The following BID variants were observed in gnomAD, a reference collection of about 807,000 sequenced individuals.
BID encodes BH3 interacting domain death agonist.
A neutral mutation model predicts 17.4 loss-of-function variants in BID; 19 were observed. That is an observed-to-expected ratio of 1.09 (90% confidence interval 0.76 to 1.60). The LOEUF is 1.60. BID is among the 40% of genes most tolerant of loss of function. The probability of loss-of-function intolerance (pLI) is 0.00; values close to 1 mark genes in which losing one functional copy is unlikely to be tolerated. For missense variants in BID, 226 were observed against 256.0 expected (o/e 0.88, Z 0.80); for synonymous variants, 108 against 102.8 (o/e 1.05, Z -0.31).
intron 3 of BID, 96 bp from the exon 4 acceptor site, chr22:17,739,584 G>A (rs4819464): frequency 0.15 from 220,822 of 1,483,680 alleles, 18,364 homozygotes; most frequent in African/African-American, 0.29. Context: ...GGACAGGTCC[G>A]CGATGGGACA....
In BID at chr22:17,748,443, G is replaced by A. The variant is rs570653973; in HGVS notation, c.12+1662C>T. The stretch of plus-strand genomic sequence containing the variant: ...GAATGGCCTGAACCCGGGAGGCGGA[G>A]CCTGCAGTGAGCGGAGATCGTGCCA... On this transcript the variant is annotated intron_variant, in intron 2 of 5. Transcript: ENST00000622694. 1.9e-3 allele frequency among the ~76,000 whole-genome samples: 295 copies of A among 151,980 alleles called. 1 individual carries two copies. Among genetic ancestry groups the A allele is most frequent in the Non-Finnish European group, 9.4e-4 (64 of 67,990 alleles).
chr22:17,740,102 G>A, intron 3 of BID: 1 of 1,611,902 alleles, frequency 6.2e-7, no homozygotes, highest in Non-Finnish European at 8.5e-7. Context: ...GCTCCATGAA[G>A]GCCACGCTCA....
chr22:17,755,862 T>TTTTG (rs1229538893), intron 1 of BID, among the ~76,000 whole-genome samples: 4 of 152,064 alleles, frequency 2.6e-5, no homozygotes, highest in South Asian at 2.1e-4. Flanking sequence ...CTTTTTGGTT[T>TTTTG]TTTGTTTGTT....
rs1395110223 is a variant in BID at position 17,750,231 on chromosome 22, C to T, written c.-58-57G>A. The T allele has an allele frequency of 3.8e-5, 57 of 1,487,934 alleles. No homozygotes were observed. In the Admixed American group the frequency reaches 1.1e-3, roughly 27 times the overall value. 92.2% of individuals were successfully genotyped at this position (1,487,934 alleles called of 1,614,324 possible). On this transcript the variant is annotated intron_variant, in intron 1 of 5. Coordinates refer to ENST00000622694, the MANE Select transcript of BID (RefSeq NM_001196.4). ...TCCTGGGAAGCCCTGGTCAGGACCC[C>T]TCGGGAGGACGACGAAGCTGGCCTG...
intron 1 of BID, among the ~76,000 whole-genome samples, chr22:17,759,246 C>CAAAAAAAAAAAACAAAAA (rs747701019): frequency 8.7e-6 from 1 of 114,782 alleles, no homozygotes; most frequent in Non-Finnish European, 1.9e-5. Flanking sequence ...AAAAACAAAA[C>CAAAAAAAAAAAACAAAAA]AAAAAAAAAA....
In BID at chr22:17,750,943, G is replaced by C. The variant is rs2061533904; in HGVS notation, c.-58-769C>G. Among the ~76,000 whole-genome samples the C allele has an allele frequency of 3.9e-5, 6 of 152,226 alleles. No individual in the cohort carries two copies. The South Asian group carries it at 1.2e-3, about 32-fold the overall frequency. ...CCCAGCTACTTGGGGGGCTGAAGCAGGAGGATCACTTACACCCAGGAGGTG... is the reference window on the plus strand; with the variant it reads ...CCCAGCTACTTGGGGGGCTGAAGCACGAGGATCACTTACACCCAGGAGGTG... On this transcript the variant is annotated intron_variant, in intron 1 of 5. Transcript: ENST00000622694.
chr22:17,762,223 G>A (rs968049271), intron 1 of BID, among the ~76,000 whole-genome samples: 6 of 152,288 alleles, frequency 3.9e-5, no homozygotes, highest in South Asian at 2.1e-4. Context: ...TTGGCCAGGC[G>A]AGGTGGCTCA....
In BID at chr22:17,769,549, G is replaced by A. The variant is rs2061704517; in HGVS notation, c.-59+4832C>T. On this transcript the variant is annotated intron_variant, in intron 1 of 5. Coordinates refer to ENST00000622694, the MANE Select transcript of BID (RefSeq NM_001196.4). This position sits in a 1 kb window ranked among gnomAD's most constrained non-coding sequence, Gnocchi z 4.8. Reference sequence around the variant, plus strand: ...TGTGGGCCACAGAGAAGCACCCTGAGGCTGTGCTGTCATCCAGAGTGCCAC... The same window carrying A: ...TGTGGGCCACAGAGAAGCACCCTGAAGCTGTGCTGTCATCCAGAGTGCCAC... 6.6e-6 allele frequency among the ~76,000 whole-genome samples: 1 copy of A among 152,248 alleles called. No individual in the cohort carries two copies. The highest frequency in any genetic ancestry group is 2.4e-5 in the African/African-American group (1 of 41,464).
At position 17,735,012 on chromosome 22, in the gene BID, G is replaced by GA. The variant is rs1265021305; in HGVS notation, c.*567dup. 6.6e-6 allele frequency: 1 copy of GA among 152,568 alleles called. No homozygotes were observed. Among genetic ancestry groups the GA allele is most frequent in the African/African-American group, 2.4e-5 (1 of 41,414 alleles). The allele number at this position is 152,568 out of a possible 1,614,324, so 9.5% of individuals were successfully genotyped here. On this transcript the variant is annotated 3_prime_UTR_variant, in exon 6 of 6. Transcript: ENST00000622694. ...CATTTGAGTGCAGCACTTTAGTTCA[G>GA]AATCTCTGTGCCATGTGGTTTTTTA...
rs2061734026 is a variant in BID at position 17,773,282 on chromosome 22, T to C, written c.-59+1099A>G. On this transcript the variant is annotated intron_variant, in intron 1 of 5. Coordinates refer to ENST00000622694, the MANE Select transcript of BID (RefSeq NM_001196.4). This position sits in a 1 kb window ranked among gnomAD's most constrained non-coding sequence, Gnocchi z 4.4. ...GGATCCCTCTGCGCTCCCCACACCC[T>C]TAAGACCCCAGCTCAGGGAATCTGG... Among the ~76,000 whole-genome samples the C allele has an allele frequency of 6.6e-6, 1 of 151,920 alleles. No homozygotes were observed. The highest frequency in any genetic ancestry group is 6.6e-5 in the Admixed American group (1 of 15,244).
intron 1 of BID, among the ~76,000 whole-genome samples, chr22:17,772,194 T>C (rs879547629): frequency 1.6e-4 from 24 of 152,246 alleles, no homozygotes; most frequent in African/African-American, 5.8e-4. Context: ...GTCTCTGTCC[T>C]GTGCTTCAGC....
At chr22:17,757,797 C>T (rs2061605215) in intron 1 of BID, among the ~76,000 whole-genome samples, 3 of 152,098 alleles carry the variant, frequency 2.0e-5, no homozygotes, top group South Asian at 2.1e-4. Context: ...AAAGGTGAGG[C>T]GAGGGTGTGT....
chr22:17,744,322 C>A (rs2061481220), intron 2 of BID, among the ~76,000 whole-genome samples: 1 of 152,212 alleles, frequency 6.6e-6, no homozygotes, highest in African/African-American at 2.4e-5. Flanking sequence ...GGTGAGAAGG[C>A]CACAGGCTGT....
intron 5 of BID, among the ~76,000 whole-genome samples, chr22:17,737,054 C>T (rs1569036484): frequency 6.6e-6 from 1 of 152,196 alleles, no homozygotes; most frequent in African/African-American, 2.4e-5. Context: ...ATCCGCCTGC[C>T]TTGGCCTCCC....
chr22:17,757,292 G>T (rs1447400442), intron 1 of BID, among the ~76,000 whole-genome samples: 2 of 150,266 alleles, frequency 1.3e-5, no homozygotes, highest in East Asian at 4.0e-4. Flanking sequence ...GCGTGTGCCT[G>T]TAGTCCCAGC....
chr22:17,759,645 C>G (rs546328299), intron 1 of BID, among the ~76,000 whole-genome samples: 25 of 151,980 alleles, frequency 1.6e-4, no homozygotes, highest in Non-Finnish European at 3.7e-4. Flanking sequence ...TGCTTGAAAG[C>G]CCAGGAGCTC....
intron 1 of BID, among the ~76,000 whole-genome samples, chr22:17,755,082 CTTTTTTTTTTTTT>C (rs59654004): frequency 2.0e-5 from 2 of 99,254 alleles, no homozygotes; most frequent in Non-Finnish European, 3.9e-5. Flanking sequence ...TTTTTCTTTT[CTTTTTTTTTTTTT>C]TTTTTTTGAG....
intron 2 of BID, among the ~76,000 whole-genome samples, chr22:17,747,304 C>T (rs2061500993): frequency 6.6e-6 from 1 of 152,102 alleles, no homozygotes; most frequent in East Asian, 1.9e-4. Flanking sequence ...TGGAATCATG[C>T]CCTTTTTTGA....
At chr22:17,763,491 G>A (rs918556481) in intron 1 of BID, among the ~76,000 whole-genome samples, 12 of 152,122 alleles carry the variant, frequency 7.9e-5, no homozygotes, top group African/African-American at 9.7e-5. Context: ...TGATCCGCCC[G>A]CCTTGGTCTC....
Sources: allele counts gnomAD v4.1 joint callset (sites outside exome capture counted in the v4.1 genomes callset), GRCh38; gene constraint gnomAD v4.1.1; non-coding constraint Gnocchi (gnomAD v3.1); transcripts MANE v1.5; gene names NCBI Gene and HGNC (gene_info 2026-07-23, HGNC 2026-07-21).